SSBP4: variants seen among roughly 807,000 people sequenced by gnomAD.
SSBP4 encodes single stranded DNA binding protein 4, also known as single-stranded DNA-binding protein 4.
SSBP4 carries 33 observed loss-of-function variants against 64.6 expected under a neutral mutation model. The observed-to-expected ratio is 0.51, with a 90% CI of 0.39 to 0.68. SSBP4 has a LOEUF of 0.68. SSBP4 is among the 30% of genes least tolerant of loss of function. The pLI is 0.00. For missense variants in SSBP4, 583 were observed against 566.8 expected (o/e 1.03, Z -0.29); for synonymous variants, 243 against 224.0 (o/e 1.08, Z -0.76).
upstream of SSBP4, among the ~76,000 whole-genome samples, chr19:18,416,667 G>T (rs998370603): frequency 6.6e-6 from 1 of 152,164 alleles, no homozygotes; most frequent in African/African-American, 2.4e-5. Flanking sequence ...CTGCTTCCTG[G>T]CTCTGCCTCC....
At chr19:18,424,114 G>A (rs1423342489) in intron 1 of SSBP4, among the ~76,000 whole-genome samples, 1 of 152,194 alleles carries the variant, frequency 6.6e-6, no homozygotes, top group Admixed American at 6.5e-5. Context: ...TAAAATAAAA[G>A]GACCAATGTG....
chr19:18,410,464 G>A, the SSBP4 span, among the ~76,000 whole-genome samples: 1 of 152,086 alleles, frequency 6.6e-6, no homozygotes, highest in South Asian at 2.1e-4. Context: ...GTCAAAGAAG[G>A]CCTCTCTAGA....
rs776924958 is a variant in SSBP4 at position 18,434,264 on chromosome 19, G to T, written c.*18G>T. 2 of 1,610,556 alleles carry T rather than the reference G, an allele frequency of 1.2e-6. No homozygotes were observed. The highest frequency in any genetic ancestry group is 1.7e-6 in the Non-Finnish European group (2 of 1,178,978). ...GCGTGTGATGGGGCGGCAGCCCCGG[G>T]CCTCTCTGCGGGCCTAGGCTTCTGC... On this transcript the variant is annotated 3_prime_UTR_variant, in exon 18 of 18. Coordinates refer to ENST00000270061, the MANE Select transcript of SSBP4 (RefSeq NM_032627.5).
At chr19:18,414,016 CA>C (rs1445899482), upstream of SSBP4, among the ~76,000 whole-genome samples, 3 of 119,046 alleles carry the variant, frequency 2.5e-5, no homozygotes, top group East Asian at 6.6e-4. Context: ...GACTCCATCT[CA>C]AAAAAACAAA....
chr19:18,434,283 C>G lies in SSBP4; in HGVS notation c.*37C>G, dbSNP rs1973827926. On this transcript the variant is annotated 3_prime_UTR_variant, in exon 18 of 18. Transcript: ENST00000270061. ...CCCCGGGCCTCTCTGCGGGCCTAGG[C>G]TTCTGCCCAGCGCCCCTGCTCAGGG... 1 of 1,608,610 alleles carries G rather than the reference C, an allele frequency of 6.2e-7. No individual in the cohort carries two copies.
chr19:18,413,015 C>T, the SSBP4 span, among the ~76,000 whole-genome samples: 1 of 152,082 alleles, frequency 6.6e-6, no homozygotes, highest in Non-Finnish European at 1.5e-5. Flanking sequence ...CAGGGGGCAC[C>T]AACTGCCAAC....
intron 10 of SSBP4, among the ~76,000 whole-genome samples, 156 bp downstream of exon 10, chr19:18,432,370 A>T (rs546621246): frequency 1.3e-5 from 2 of 152,188 alleles, no homozygotes; most frequent in African/African-American, 4.8e-5. Flanking sequence ...TGAAGTAGCA[A>T]TTAGTCTCCT....
the SSBP4 span, among the ~76,000 whole-genome samples, chr19:18,407,555 TAGAGTAGCTGGGAC>T: frequency 6.6e-6 from 1 of 151,584 alleles, no homozygotes; most frequent in Admixed American, 6.6e-5. Flanking sequence ...TAGCTGGGAC[TAGAGTAGCTGGGAC>T]TACAGGCGCC....
rs1247257458 is a variant in SSBP4 at position 18,427,053 on chromosome 19, C to T, written c.60-298C>T. Among the ~76,000 whole-genome samples the T allele has an allele frequency of 3.3e-5, 5 of 152,128 alleles. No homozygotes were observed. Among genetic ancestry groups the T allele is most frequent in the Non-Finnish European group, 7.4e-5 (5 of 68,016 alleles). ...CCTGCACACACACAGGAATGACACT[C>T]CTCTATGGAGGAGACCTCCCCAGCG... is the stretch of plus-strand genomic sequence containing the variant. On this transcript the variant is annotated intron_variant, in intron 1 of 17. Coordinates refer to ENST00000270061, the MANE Select transcript of SSBP4 (RefSeq NM_032627.5). This position sits in a 1 kb window ranked among gnomAD's most constrained non-coding sequence, Gnocchi z 4.4.
chr19:18,407,482 T>A, the SSBP4 span, among the ~76,000 whole-genome samples: 1 of 151,940 alleles, frequency 6.6e-6, no homozygotes, highest in Non-Finnish European at 1.5e-5. Flanking sequence ...AGTGGCGTGA[T>A]CTGGGCTCAC....
Position 18,432,087 on chromosome 19 carries a change from G to C in SSBP4, c.636+17G>C, listed in dbSNP as rs771193172. On this transcript the variant is annotated intron_variant, in intron 9 of 17. Transcript: ENST00000270061. ...GGGCCCCAGGTAAGAGTGGAGCCCT[G>C]GTGGGTGGGGCCTTCGGGCTGTCCC... The C allele has an allele frequency of 1.2e-5, 19 of 1,600,096 alleles. No individual in the cohort carries two copies. The East Asian group carries it at 3.8e-4, about 32-fold the overall frequency.
rs540946779 is a variant in SSBP4, at chr19:18,432,702, C to G, written c.753C>G (p.Ile251Met). 7.0e-6 allele frequency: 11 copies of G among 1,573,620 alleles called. No homozygotes were observed. The South Asian group carries it at 1.3e-4, about 19-fold the overall frequency. The change falls in exon 12 of 18, where the codon ATC (isoleucine) becomes ATG (methionine). Residue 251 changes from isoleucine to methionine, a missense_variant and splice_region_variant. Transcript: ENST00000270061. ...CTCACAGCTGCCCTTGTCCCCAGATCCCCTACTCCTCCTCATCCCCCGGCA... is the reference window on the plus strand; with the variant it reads ...CTCACAGCTGCCCTTGTCCCCAGATGCCCTACTCCTCCTCATCCCCCGGCA... The part of the protein sequence containing the change: ...GPWASPSGNS[I>M]PYSSSSPGSY...
chr19:18,417,165 C>T (rs1318518552), upstream of SSBP4, among the ~76,000 whole-genome samples: 2 of 152,082 alleles, frequency 1.3e-5, no homozygotes, highest in Non-Finnish European at 2.9e-5. The surrounding 1 kb of genome is among the most constrained non-coding windows in gnomAD (Gnocchi z 5.4). Flanking sequence ...CTCTCACGCA[C>T]GTGGCACTCC....
rs1223045212 is a variant in SSBP4, at chr19:18,423,170, G to C, written c.59+3463G>C. Among the ~76,000 whole-genome samples, 1 of 152,204 alleles carries C rather than the reference G, an allele frequency of 6.6e-6. No individual in the cohort carries two copies. The highest frequency in any genetic ancestry group is 1.5e-5 in the Non-Finnish European group (1 of 68,024). ...TCCTTCAGCACTCAAGTGTTGCCAG[G>C]CAGGTTGAGAAGAGGTCCATGAATC... On this transcript the variant is annotated intron_variant, in intron 1 of 17. Coordinates refer to ENST00000270061, the MANE Select transcript of SSBP4 (RefSeq NM_032627.5). This position sits in a 1 kb window ranked among gnomAD's most constrained non-coding sequence, Gnocchi z 4.0.
chr19:18,431,755 A>G (rs1308351526), intron 7 of SSBP4, 38 bp from the exon 8 acceptor site: 2 of 1,538,778 alleles, frequency 1.3e-6, no homozygotes, highest in East Asian at 2.5e-5. Context: ...CCGGGGAGGG[A>G]GCACCCCACA....
intron 4 of SSBP4, among the ~76,000 whole-genome samples, chr19:18,430,207 T>C (rs1214251541): frequency 2.0e-5 from 3 of 151,944 alleles, no homozygotes; most frequent in Non-Finnish European, 4.4e-5. Flanking sequence ...GGGCCTCCCT[T>C]CCCACCTCAC....
rs1385970832 is a variant in SSBP4, at chr19:18,419,600, C to T, written c.-49C>T. ...CTATGGCGACGGCAAGCGCGGCCCG[C>T]GGCGCCGCCTGACAGGTGTGGGCCC... On this transcript the variant is annotated 5_prime_UTR_variant, in exon 1 of 18. Coordinates refer to ENST00000270061, the MANE Select transcript of SSBP4 (RefSeq NM_032627.5). 3 of 1,237,334 alleles carry T rather than the reference C, an allele frequency of 2.4e-6. No individual in the cohort carries two copies. The highest frequency in any genetic ancestry group is 3.0e-6 in the Non-Finnish European group (3 of 985,710). The allele number at this position is 1,237,334 out of a possible 1,614,324, so 76.6% of individuals were successfully genotyped here.
chr19:18,432,266 T>G (rs770680522), intron 10 of SSBP4, 52 bp downstream of exon 10: 6 of 1,593,624 alleles, frequency 3.8e-6, no homozygotes, highest in Non-Finnish European at 5.1e-6. Context: ...CACCACCAGC[T>G]TCATGGCTGG....
chr19:18,433,235 C>A, intron 15 of SSBP4, 22 bp downstream of exon 15: 2 of 1,547,566 alleles, frequency 1.3e-6, no homozygotes, highest in Non-Finnish European at 1.7e-6. Flanking sequence ...TCCCTGCTCC[C>A]GCCCACGTTG....
Sources: allele counts gnomAD v4.1 joint callset (sites outside exome capture counted in the v4.1 genomes callset), GRCh38; gene constraint gnomAD v4.1.1; non-coding constraint Gnocchi (gnomAD v3.1); transcripts MANE v1.5; gene names NCBI Gene and HGNC (gene_info 2026-07-23, HGNC 2026-07-21).